Variants in HS3ST5 observed in about 807,000 individuals in gnomAD.
The protein encoded by HS3ST5 is heparan sulfate-glucosamine 3-sulfotransferase 5.
HS3ST5 carries 10 observed loss-of-function variants against 25.4 expected under a neutral mutation model. The ratio of observed to expected loss-of-function variants is 0.39; its 90% CI spans 0.24 to 0.67. HS3ST5 has a LOEUF of 0.67. Among genes scored for constraint, HS3ST5 ranks in the 30% least tolerant of loss-of-function variants. HS3ST5 has a pLI of 0.44. For synonymous variants in HS3ST5, 170 were observed against 162.4 expected (o/e 1.05, Z -0.36); for missense variants, 324 against 420.7 (o/e 0.77, Z 2.01).
At chr6:114,106,833 A>C (rs968704892) in intron 3 of HS3ST5, among the ~76,000 whole-genome samples, 1 of 152,146 alleles carries the variant, frequency 6.6e-6, no homozygotes, top group Non-Finnish European at 1.5e-5. Flanking sequence ...CCTGAATATT[A>C]GTTCTATTGG....
intron 1 of HS3ST5, among the ~76,000 whole-genome samples, chr6:114,318,092 C>A (rs1374707135): frequency 6.6e-6 from 1 of 152,100 alleles, no homozygotes; most frequent in African/African-American, 2.4e-5. Context: ...AGTCCCCTAC[C>A]CTGACCTGCC....
chr6:114,139,459 T>A (rs1777795842), intron 3 of HS3ST5, among the ~76,000 whole-genome samples: 1 of 152,010 alleles, frequency 6.6e-6, no homozygotes, highest in Non-Finnish European at 1.5e-5. Context: ...TCCGGGTAAT[T>A]CAGCATGAGT....
intron 3 of HS3ST5, among the ~76,000 whole-genome samples, chr6:114,113,421 C>T (rs930452256): frequency 3.3e-5 from 5 of 152,000 alleles, no homozygotes; most frequent in African/African-American, 9.7e-5. Flanking sequence ...ACTCCAGTCA[C>T]ACTGGCCCCC....
At chr6:114,324,293 T>C (rs1303042931) in intron 1 of HS3ST5, among the ~76,000 whole-genome samples, 8 of 152,186 alleles carry the variant, frequency 5.3e-5, no homozygotes, top group Admixed American at 2.0e-4. Flanking sequence ...TTTAATATCT[T>C]TTCCAAAAAC....
chr6:114,336,760 C>T lies in HS3ST5; in HGVS notation c.-339+5435G>A, dbSNP rs543740672. Among the ~76,000 whole-genome samples, 6 of 152,266 alleles carry T rather than the reference C, an allele frequency of 3.9e-5. No individual in the cohort carries two copies. In the East Asian group the frequency reaches 7.7e-4, roughly 20 times the overall value. On this transcript the variant is annotated intron_variant, in intron 1 of 4. Transcript: ENST00000312719. ...TATAGTACTTACACTCCAATGAATA[C>T]TTCATTTATGTTGAGGCATGTTCAG... is the stretch of plus-strand genomic sequence containing the variant.
intron 3 of HS3ST5, among the ~76,000 whole-genome samples, chr6:114,155,406 G>T (rs1350241698): frequency 6.6e-6 from 1 of 151,864 alleles, no homozygotes; most frequent in Non-Finnish European, 1.5e-5. Context: ...CAAGCCAATG[G>T]ATTCTATTCA....
intron 1 of HS3ST5, among the ~76,000 whole-genome samples, chr6:114,275,228 T>G (rs962992908): frequency 1.3e-5 from 2 of 152,002 alleles, no homozygotes; most frequent in African/African-American, 2.4e-5. Flanking sequence ...ATCTTCATGC[T>G]CCTTAGCACC....
chr6:114,124,871 A>C (rs1776967350), intron 3 of HS3ST5, among the ~76,000 whole-genome samples: 1 of 152,226 alleles, frequency 6.6e-6, no homozygotes, highest in Non-Finnish European at 1.5e-5. Context: ...GTAATAAAGA[A>C]AATATTCTAT....
At chr6:114,207,098 T>G (rs775833890) in intron 2 of HS3ST5, among the ~76,000 whole-genome samples, 44 of 152,318 alleles carry the variant, frequency 2.9e-4, no homozygotes, top group Middle Eastern at 3.4e-3. Flanking sequence ...GATTATAGAA[T>G]TTATTCCTCC....
chr6:114,121,229 C>T (rs1047133071), intron 3 of HS3ST5, among the ~76,000 whole-genome samples: 2 of 152,160 alleles, frequency 1.3e-5, no homozygotes, highest in Non-Finnish European at 2.9e-5. Flanking sequence ...CATCACATAA[C>T]AGTGTTCTAA....
intron 1 of HS3ST5, among the ~76,000 whole-genome samples, chr6:114,294,064 C>T: frequency 6.6e-6 from 1 of 152,048 alleles, no homozygotes; most frequent in East Asian, 1.9e-4. Flanking sequence ...AGAAGGGCAA[C>T]CAGGAGGGCA....
chr6:114,247,256 G>A (rs1000591699), intron 1 of HS3ST5, among the ~76,000 whole-genome samples: 5 of 152,134 alleles, frequency 3.3e-5, no homozygotes, highest in Non-Finnish European at 7.4e-5. Context: ...CATGAGGGAG[G>A]TGCTCAGTAA....
At chr6:114,203,683 A>G (rs1272586194) in intron 2 of HS3ST5, among the ~76,000 whole-genome samples, 1 of 152,126 alleles carries the variant, frequency 6.6e-6, no homozygotes, top group Non-Finnish European at 1.5e-5. Flanking sequence ...CTCAGCACAC[A>G]AAGACAGTTT....
intron 3 of HS3ST5, chr6:114,084,533 G>A (rs1158875799): frequency 5.3e-6 from 4 of 759,488 alleles, no homozygotes; most frequent in South Asian, 1.3e-5. Context: ...GGCGTCCACC[G>A]CATCACACCC....
intron 1 of HS3ST5, among the ~76,000 whole-genome samples, chr6:114,336,522 A>T (rs1185616762): frequency 6.6e-6 from 1 of 152,218 alleles, no homozygotes; most frequent in African/African-American, 2.4e-5. Flanking sequence ...GCACGAAATC[A>T]CTTGAACCCA....
At chr6:114,072,168 A>G (rs1365840602) in intron 3 of HS3ST5, among the ~76,000 whole-genome samples, 1 of 152,216 alleles carries the variant, frequency 6.6e-6, no homozygotes, top group African/African-American at 2.4e-5. Context: ...ATCTTTGTCT[A>G]AACTTTCAAT....
chr6:114,274,090 A>G (rs1773748151), intron 1 of HS3ST5, among the ~76,000 whole-genome samples: 1 of 152,020 alleles, frequency 6.6e-6, no homozygotes, highest in South Asian at 2.1e-4. Context: ...GGATCTAGTG[A>G]CAACATGGTG....
intron 3 of HS3ST5, among the ~76,000 whole-genome samples, chr6:114,158,883 G>A (rs1778815317): frequency 6.6e-6 from 1 of 152,176 alleles, no homozygotes; most frequent in South Asian, 2.1e-4. Flanking sequence ...ATTCAATGCT[G>A]TAATTTCATT....
intron 3 of HS3ST5, among the ~76,000 whole-genome samples, chr6:114,083,792 T>C (rs569505258): frequency 2.0e-5 from 3 of 152,138 alleles, no homozygotes; most frequent in Non-Finnish European, 4.4e-5. Flanking sequence ...CTCCATTATC[T>C]CTATTATCTC....
Sources: gnomAD v4.1 joint callset for allele counts (sites outside exome capture counted in the v4.1 genomes callset) on GRCh38, gnomAD v4.1.1 for gene constraint, MANE v1.5 for transcripts, NCBI Gene and HGNC (gene_info 2026-07-23, HGNC 2026-07-21) for gene names.